CDS1: variants seen among roughly 807,000 people sequenced by gnomAD.
The protein encoded by CDS1 is phosphatidate cytidylyltransferase 1.
In CDS1, 41 loss-of-function variants were observed where a neutral mutation model predicts 62.1. The ratio of observed to expected loss-of-function variants is 0.66; its 90% CI spans 0.51 to 0.86. CDS1 has a LOEUF of 0.86. Ranked by LOEUF, CDS1 falls within the 40% of genes least tolerant of loss-of-function variation. The pLI, the probability that CDS1 is intolerant of heterozygous loss-of-function variation, is 0.00. For missense variants in CDS1, 470 were observed against 550.1 expected (o/e 0.85, Z 1.46); for synonymous variants, 185 against 192.6 (o/e 0.96, Z 0.32).
chr4:84,604,263 A>G lies in CDS1; in HGVS notation c.138A>G (p.Arg46=). The G allele has an allele frequency of 6.2e-7, 1 of 1,612,442 alleles. No homozygotes were observed. Among genetic ancestry groups the G allele is most frequent in the Non-Finnish European group, 8.5e-7 (1 of 1,179,218 alleles). Residue 46 remains arginine, a synonymous_variant, in exon 2 of 13, where the codon AGA becomes AGG. Transcript: ENST00000295887. ...TSDKETDIDD[R]YGDLDSRTDS... ...TTTAGGAAACAGATATTGATGACAGATATGGAGATTTGGATTCCAGAACAG... is the reference window on the plus strand; with the variant it reads ...TTTAGGAAACAGATATTGATGACAGGTATGGAGATTTGGATTCCAGAACAG...
chr4:84,625,772 C>G (rs1017281101), intron 5 of CDS1, among the ~76,000 whole-genome samples: 2 of 151,646 alleles, frequency 1.3e-5, no homozygotes, highest in Non-Finnish European at 2.9e-5. Context: ...GGTTGGGAGA[C>G]ATGATCAGGC....
At chr4:84,610,440 T>G (rs1276428544) in intron 3 of CDS1, among the ~76,000 whole-genome samples, 1 of 152,154 alleles carries the variant, frequency 6.6e-6, no homozygotes, top group Non-Finnish European at 1.5e-5. Flanking sequence ...TTGGTGTGTG[T>G]GGGAAGCTCA....
At chr4:84,646,140 G>A (rs1724552081) in intron 12 of CDS1, among the ~76,000 whole-genome samples, 1 of 152,150 alleles carries the variant, frequency 6.6e-6, no homozygotes, top group African/African-American at 2.4e-5. Context: ...GTACTTGGAA[G>A]GAAATTCATA....
intron 9 of CDS1, 105 bp from the exon 10 acceptor site, chr4:84,640,733 A>G (rs1191408870): frequency 5.0e-4 from 288 of 581,348 alleles, no homozygotes; most frequent in Non-Finnish European, 7.1e-4. Flanking sequence ...CTGGCATTCT[A>G]TCTCTGGCCT....
intron 1 of CDS1, 147 bp downstream of exon 1, chr4:84,583,665 C>G (rs1722325800): frequency 1.8e-6 from 1 of 557,806 alleles, no homozygotes; most frequent in Non-Finnish European, 3.1e-6. Flanking sequence ...GCACTGCTTC[C>G]TCCTTCTCCA....
At position 84,640,979 on chromosome 4, in the gene CDS1, G is replaced by A; in HGVS notation, c.1021G>A (p.Val341Ile). The change falls in exon 10 of 13, where the codon GTC (valine) becomes ATC (isoleucine). Residue 341 changes from valine (V) to isoleucine (I), a missense_variant. Transcript: ENST00000295887. ...TYSLPPFLKAVLRQERVSLYP... is the reference protein window; with the variant it reads ...TYSLPPFLKAILRQERVSLYP... ...CTCACTTCCACCCTTTCTAAAGGCA[G>A]TCTTGAGACAGGTACAGTAAAAGTT... 1 of 1,590,004 alleles carries A rather than the reference G, an allele frequency of 6.3e-7. No individual in the cohort carries two copies. The highest frequency in any genetic ancestry group is 1.8e-5 in the Admixed American group (1 of 55,880).
intron 3 of CDS1, among the ~76,000 whole-genome samples, chr4:84,610,862 G>C (rs1380743989): frequency 1.3e-5 from 2 of 152,208 alleles, no homozygotes; most frequent in African/African-American, 2.4e-5. Context: ...TCTAGGTTTT[G>C]TAAGTATACT....
intron 5 of CDS1, among the ~76,000 whole-genome samples, chr4:84,623,782 T>C (rs536602253): frequency 1.3e-5 from 2 of 152,170 alleles, no homozygotes; most frequent in Non-Finnish European, 2.9e-5. Flanking sequence ...TCTCACGTGG[T>C]TGCCATGAGA....
rs1442081779 is a variant in CDS1 at position 84,583,318 on chromosome 4, G to C, written c.-84G>C. The stretch of plus-strand genomic sequence containing the variant: ...CTCCAGGGCGCGGCTGCGAGGTGGC[G>C]GGGCGCCCCGCCTGCAGAACCCTGC... On this transcript the variant is annotated 5_prime_UTR_variant, in exon 1 of 13. Transcript: ENST00000295887. 13 of 1,001,576 alleles carry C rather than the reference G, an allele frequency of 1.3e-5. No homozygotes were observed. The East Asian group carries it at 2.6e-4, about 20-fold the overall frequency. The allele number at this position is 1,001,576 out of a possible 1,614,324, so 62.0% of individuals were successfully genotyped here.
At chr4:84,584,443 A>T (rs1722354590) in intron 1 of CDS1, among the ~76,000 whole-genome samples, 1 of 152,246 alleles carries the variant, frequency 6.6e-6, no homozygotes, top group South Asian at 2.1e-4. Flanking sequence ...CTAGAAGCAT[A>T]CTTTGGAAGC....
At chr4:84,588,500 G>T (rs765072605) in intron 1 of CDS1, among the ~76,000 whole-genome samples, 14 of 152,084 alleles carry the variant, frequency 9.2e-5, no homozygotes, top group African/African-American at 3.1e-4. Flanking sequence ...CTAAACAGGC[G>T]GCCAGGGTTT....
intron 1 of CDS1, among the ~76,000 whole-genome samples, chr4:84,599,620 A>G (rs983859741): frequency 6.6e-6 from 1 of 151,276 alleles, no homozygotes; most frequent in Non-Finnish European, 1.5e-5. Flanking sequence ...ATAATATAAT[A>G]CGTGTGTGTG....
intron 3 of CDS1, among the ~76,000 whole-genome samples, chr4:84,614,131 G>A (rs1723415276): frequency 6.6e-6 from 1 of 151,928 alleles, no homozygotes; most frequent in South Asian, 2.1e-4. Context: ...AAATTTTGTG[G>A]CCAGGTGCGG....
At chr4:84,648,318 C>G (rs1233054659) in intron 12 of CDS1, among the ~76,000 whole-genome samples, 3 of 152,056 alleles carry the variant, frequency 2.0e-5, no homozygotes, top group Admixed American at 2.0e-4. Context: ...AGATCTGCAC[C>G]CCTTCAATTG....
intron 9 of CDS1, among the ~76,000 whole-genome samples, chr4:84,640,091 A>G (rs2148659327): frequency 6.7e-6 from 1 of 148,860 alleles, no homozygotes; most frequent in East Asian, 1.9e-4. Context: ...GCATGACAAA[A>G]TAATGAGGAA....
intron 1 of CDS1, among the ~76,000 whole-genome samples, chr4:84,602,293 A>C (rs907555187): frequency 1.3e-5 from 2 of 152,212 alleles, no homozygotes; most frequent in Non-Finnish European, 2.9e-5. Context: ...TCAGAAGCTT[A>C]AATAATATAA....
At position 84,638,902 on chromosome 4, in the gene CDS1, AATTTT is replaced by A. The variant is rs781408185; in HGVS notation, c.811-17_811-13del. The A allele has an allele frequency of 1.5e-6, 2 of 1,308,336 alleles. No individual in the cohort carries two copies. Among genetic ancestry groups the A allele is most frequent in the Non-Finnish European group, 2.1e-6 (2 of 953,836 alleles). 81.0% of individuals were successfully genotyped at this position (1,308,336 alleles called of 1,614,324 possible). A position where few individuals can be genotyped will look rare whatever the true frequency, so the allele number is the denominator to read the frequency against. ...TTTTGTGAGTGCAGTAAAGCTTTTTAATTTTATTTGCCCTTTTTTAGTTGTCTCCT... is the reference window on the plus strand; with the variant it reads ...TTTTGTGAGTGCAGTAAAGCTTTTTAATTTGCCCTTTTTTAGTTGTCTCCT... On this transcript the variant is annotated splice_polypyrimidine_tract_variant and intron_variant, in intron 8 of 12. Coordinates refer to ENST00000295887, the MANE Select transcript of CDS1 (RefSeq NM_001263.4).
At position 84,648,880 on chromosome 4, in the gene CDS1, C is replaced by T; in HGVS notation, c.*194C>T. 2 of 504,462 alleles carry T rather than the reference C, an allele frequency of 4.0e-6. No individual in the cohort carries two copies. Among genetic ancestry groups the T allele is most frequent in the Non-Finnish European group, 6.8e-6 (2 of 295,584 alleles). 31.2% of individuals were successfully genotyped at this position (504,462 alleles called of 1,614,324 possible). A position where few individuals can be genotyped will look rare whatever the true frequency, so the allele number is the denominator to read the frequency against. ...ATGTTATGAAATAAGTAGCAAATTG[C>T]CAGCAAAATGTCTTGTACCTTTTCT... is the stretch of plus-strand genomic sequence containing the variant. On this transcript the variant is annotated 3_prime_UTR_variant, in exon 13 of 13. Coordinates refer to ENST00000295887, the MANE Select transcript of CDS1 (RefSeq NM_001263.4).
At chr4:84,604,516 T>G (rs528754655) in intron 2 of CDS1, 146 bp downstream of exon 2, 29 of 684,366 alleles carry the variant, frequency 4.2e-5, no homozygotes, top group Non-Finnish European at 6.5e-5. Flanking sequence ...CGAGGTATAG[T>G]TCTATGTATT....
Sources: gnomAD v4.1 joint callset for allele counts (sites outside exome capture counted in the v4.1 genomes callset) on GRCh38, gnomAD v4.1.1 for gene constraint, MANE v1.5 for transcripts, NCBI Gene and HGNC (gene_info 2026-07-23, HGNC 2026-07-21) for gene names.